Variants in ATXN2 observed in about 807,000 individuals in gnomAD.
ATXN2 encodes the protein ataxin 2.
In ATXN2, 37 loss-of-function variants were observed where a neutral mutation model predicts 138.6. The observed-to-expected ratio is 0.27, with a 90% CI of 0.21 to 0.35. ATXN2 has a LOEUF of 0.35. ATXN2 is among the 10% of genes least tolerant of loss of function. ATXN2 has a pLI of 1.00. For synonymous variants in ATXN2, 549 were observed against 543.7 expected (o/e 1.01, Z -0.13); for missense variants, 1,216 against 1,480.3 (o/e 0.82, Z 2.93).
At chr12:111,485,090 T>C (rs1566018523) in intron 18 of ATXN2, 175 bp downstream of exon 18, 6 of 563,752 alleles carry the variant, frequency 1.1e-5, no homozygotes, top group South Asian at 3.2e-5. Context: ...TTTTCTCCCC[T>C]GTTTTTCTTC....
chr12:111,566,144 G>A (rs1314614497), intron 1 of ATXN2, among the ~76,000 whole-genome samples: 1 of 152,076 alleles, frequency 6.6e-6, no homozygotes. Context: ...TTTTATTTAA[G>A]AAATACGGCC....
At chr12:111,477,880 C>T (rs1031493934) in intron 18 of ATXN2, among the ~76,000 whole-genome samples, 2 of 152,026 alleles carry the variant, frequency 1.3e-5, no homozygotes, top group East Asian at 3.9e-4. Flanking sequence ...CCCGCAACCT[C>T]GCTCAAGCGA....
intron 1 of ATXN2, among the ~76,000 whole-genome samples, chr12:111,591,566 A>C (rs530424298): frequency 6.6e-6 from 1 of 152,198 alleles, no homozygotes; most frequent in African/African-American, 2.4e-5. Flanking sequence ...TCAGGAGGCT[A>C]AGACAGGAGA....
upstream of ATXN2, chr12:111,599,465 G>C (rs959774570): frequency 8.2e-7 from 1 of 1,212,398 alleles, no homozygotes; most frequent in Non-Finnish European, 1.0e-6. Flanking sequence ...GAAGCGGCGA[G>C]ACTCGGTGGC....
At chr12:111,523,220 ACT>A (rs1022719254) in intron 6 of ATXN2, among the ~76,000 whole-genome samples, 3 of 150,300 alleles carry the variant, frequency 2.0e-5, no homozygotes, top group Admixed American at 2.0e-4. Flanking sequence ...ACAGAGCAAG[ACT>A]CTGTCTCAAA....
Position 111,452,711 on chromosome 12 carries a change from T to C in ATXN2, c.*101A>G, listed in dbSNP as rs770285250. 3.0e-6 allele frequency: 4 copies of C among 1,320,942 alleles called. No individual in the cohort carries two copies. The Admixed American group carries it at 6.9e-5, about 23-fold the overall frequency. The allele number at this position is 1,320,942 out of a possible 1,614,324, so 81.8% of individuals were successfully genotyped here. On this transcript the variant is annotated 3_prime_UTR_variant, in exon 25 of 25. Transcript: ENST00000673436. ...TTACAAGAAATCAACATATATATTT[T>C]AAAAACAAAATAAATGAAATTCTAG...
intron 10 of ATXN2, among the ~76,000 whole-genome samples, chr12:111,515,283 T>C (rs1879792882): frequency 6.6e-6 from 1 of 152,212 alleles, no homozygotes; most frequent in South Asian, 2.1e-4. Context: ...CTAATTTTAA[T>C]GAACAAATCA....
At chr12:111,513,214 T>A in intron 11 of ATXN2, 143 bp downstream of exon 11, 1 of 909,974 alleles carries the variant, frequency 1.1e-6, no homozygotes, top group Non-Finnish European at 1.6e-6. Context: ...AGAATAAAAA[T>A]ATGGGTTTCC....
chr12:111,535,949 G>A (rs1406216438), intron 5 of ATXN2, among the ~76,000 whole-genome samples: 2 of 142,856 alleles, frequency 1.4e-5, no homozygotes, highest in Admixed American at 7.0e-5. Flanking sequence ...GCAGTGAGCC[G>A]AGATCCCGCC....
intron 6 of ATXN2, among the ~76,000 whole-genome samples, chr12:111,521,647 AAGTGGC>A (rs1188955578): frequency 1.3e-5 from 2 of 152,330 alleles, no homozygotes; most frequent in East Asian, 3.9e-4. Flanking sequence ...GACACCTCAG[AAGTGGC>A]AACTCTGGAT....
intron 1 of ATXN2, among the ~76,000 whole-genome samples, chr12:111,582,990 TTTG>T (rs1365831762): frequency 2.4e-5 from 2 of 82,850 alleles, no homozygotes; most frequent in South Asian, 4.1e-4. Context: ...TTTTTTTTTG[TTTG>T]TTTTTTTTTT....
intron 1 of ATXN2, chr12:111,597,839 G>T: frequency 7.8e-7 from 1 of 1,280,210 alleles, no homozygotes; most frequent in Non-Finnish European, 1.0e-6. Flanking sequence ...GGATAAGTGC[G>T]CAGGGTGCCC....
chr12:111,573,543 C>T (rs1883457765), intron 1 of ATXN2, among the ~76,000 whole-genome samples: 1 of 152,124 alleles, frequency 6.6e-6, no homozygotes, highest in African/African-American at 2.4e-5. Context: ...ATATTAGAAG[C>T]AATGGAACAG....
At chr12:111,559,540 G>A (rs565848828) in intron 1 of ATXN2, among the ~76,000 whole-genome samples, 18 of 151,586 alleles carry the variant, frequency 1.2e-4, no homozygotes, top group African/African-American at 1.9e-4. Context: ...TTGGGAGGCC[G>A]AGGTGGGTGG....
At chr12:111,484,066 G>A (rs1413513481) in intron 18 of ATXN2, among the ~76,000 whole-genome samples, 1 of 151,900 alleles carries the variant, frequency 6.6e-6, no homozygotes, top group Non-Finnish European at 1.5e-5. Flanking sequence ...AATTACACGT[G>A]AGCCACCAAG....
chr12:111,554,304 T>C (rs887779161), intron 2 of ATXN2, 87 bp from the exon 3 acceptor site: 1 of 935,294 alleles, frequency 1.1e-6, no homozygotes, highest in South Asian at 2.0e-5. Context: ...AGAAGTATTT[T>C]AGACTGCGGA....
At chr12:111,457,536 A>G in intron 21 of ATXN2, 177 bp from the exon 22 acceptor site, 4 of 633,532 alleles carry the variant, frequency 6.3e-6, no homozygotes, top group Admixed American at 6.9e-5. Context: ...AAGTGTAGCT[A>G]TTGCTTAACA....
intron 22 of ATXN2, 35 bp downstream of exon 22, chr12:111,457,179 A>C (rs1269018147): frequency 1.3e-6 from 2 of 1,586,296 alleles, no homozygotes; most frequent in East Asian, 2.2e-5. Context: ...TAGGATAAAG[A>C]AGCCACTCCA....
chr12:111,583,790 A>AAAAAAG (rs1884160516), intron 1 of ATXN2, among the ~76,000 whole-genome samples: 1 of 149,918 alleles, frequency 6.7e-6, no homozygotes, highest in African/African-American at 2.5e-5. Context: ...AAAAAAAAAA[A>AAAAAAG]CAGTGAACCA....
Sources: gnomAD v4.1 joint callset for allele counts (sites outside exome capture counted in the v4.1 genomes callset) on GRCh38, gnomAD v4.1.1 for gene constraint, MANE v1.5 for transcripts, NCBI Gene and HGNC (gene_info 2026-07-23, HGNC 2026-07-21) for gene names.